NIPA1: variants seen among roughly 807,000 people sequenced by gnomAD.
NIPA1 encodes the protein NIPA magnesium transporter 1, also known as magnesium transporter NIPA1.
Under a neutral mutation model 23.9 loss-of-function variants are expected in NIPA1, and 13 were observed. The observed-to-expected ratio is 0.54, with a 90% CI of 0.35 to 0.87. The LOEUF (loss-of-function observed/expected upper bound fraction) is 0.87, where lower values mean the gene tolerates loss of function less well. NIPA1 is among the 40% of genes least tolerant of loss of function. The probability of loss-of-function intolerance (pLI) is 0.01; values close to 1 mark genes in which losing one functional copy is unlikely to be tolerated. For synonymous variants in NIPA1, 234 were observed against 202.9 expected (o/e 1.15, Z -1.30); for missense variants, 362 against 429.7 (o/e 0.84, Z 1.39).
intron 3 of NIPA1, among the ~76,000 whole-genome samples, chr15:22,816,486 CT>C (rs71117480): frequency 3.3e-3 from 140 of 42,286 alleles, no homozygotes; most frequent in African/African-American, 0.014. Flanking sequence ...CGCACCCAGC[CT>C]TTTTTTTTTT....
rs748192689 is a variant in NIPA1, at chr15:22,812,228, CT to C, written c.293del (p.Leu98ArgfsTer12). The C allele has an allele frequency of 1.9e-6, 3 of 1,613,590 alleles. No individual in the cohort carries two copies. The highest frequency in any genetic ancestry group is 2.7e-5 in the African/African-American group (2 of 74,922). On this transcript the variant is annotated frameshift_variant, in exon 3 of 5. Transcript: ENST00000337435. LOFTEE classifies it high-confidence loss of function. Reference protein sequence around the residue: ...TAVPTVLVTPLGALGVPFGSI... With the variant: ...TAVPTVLVTPXGALGVPFGSI... ...GGTCCCCACGGTCCTGGTAACCCCC[CT>C]GGGCGCCCTTGGAGTACCGTTCGGG...
At chr15:22,802,189 C>G (rs111281240) in intron 1 of NIPA1, among the ~76,000 whole-genome samples, 1 of 151,606 alleles carries the variant, frequency 6.6e-6, no homozygotes, top group African/African-American at 2.4e-5. Flanking sequence ...GTCAGGAGTT[C>G]GAGACCAGCC....
At chr15:22,813,941 C>G in intron 3 of NIPA1, 2 of 418,662 alleles carry the variant, frequency 4.8e-6, no homozygotes, top group South Asian at 3.4e-5. Flanking sequence ...GATAAACAAC[C>G]TGACCTGGTG....
intron 1 of NIPA1, among the ~76,000 whole-genome samples, chr15:22,789,998 T>G (rs1322933226): frequency 8.5e-5 from 13 of 152,276 alleles, no homozygotes; most frequent in African/African-American, 2.4e-5. Context: ...TTCACCATGT[T>G]GGCCAGGCTG....
At chr15:22,820,599 C>CTGT in intron 4 of NIPA1, 126 bp downstream of exon 4, 1 of 795,164 alleles carries the variant, frequency 1.3e-6, no homozygotes, top group South Asian at 1.4e-5. Context: ...TGATCTGTTA[C>CTGT]TGTAGATCTG....
chr15:22,793,833 C>T (rs989748300), intron 1 of NIPA1, among the ~76,000 whole-genome samples: 1 of 152,064 alleles, frequency 6.6e-6, no homozygotes, highest in African/African-American at 2.4e-5. Context: ...TATATCCTTT[C>T]CCCAGTGTAT....
chr15:22,787,879 T>C (rs1219517189), intron 1 of NIPA1, among the ~76,000 whole-genome samples: 1 of 152,134 alleles, frequency 6.6e-6, no homozygotes, highest in Non-Finnish European at 1.5e-5. Flanking sequence ...GGCCCGACAG[T>C]CTCGAATGAA....
At chr15:22,813,762 T>C (rs1895363022) in intron 3 of NIPA1, 1 of 447,592 alleles carries the variant, frequency 2.2e-6, no homozygotes, top group Non-Finnish European at 4.5e-6. Context: ...GCCTTGAGAA[T>C]GTGTGTGTGG....
At chr15:22,811,388 G>C (rs1449672440) in intron 2 of NIPA1, among the ~76,000 whole-genome samples, 1 of 152,124 alleles carries the variant, frequency 6.6e-6, no homozygotes, top group Non-Finnish European at 1.5e-5. Context: ...CAGGTGGATT[G>C]TTTGAGCCCA....
At position 22,788,498 on chromosome 15, in the gene NIPA1, C is replaced by CAAAAAAAAAAAAAA. The variant is rs905296655; in HGVS notation, c.178+1668_178+1681dup. Among the ~76,000 whole-genome samples the CAAAAAAAAAAAAAA allele has an allele frequency of 2.9e-4, 26 of 89,586 alleles. 5 individuals are homozygous for CAAAAAAAAAAAAAA. The highest frequency in any genetic ancestry group is 7.4e-4 in the South Asian group (2 of 2,704). The allele number at this position is 89,586 out of a possible 152,430, so 58.8% of individuals were successfully genotyped here. ...TGGGCGGCAGAGCAAGACTCCATCT[C>CAAAAAAAAAAAAAA]AAAAAAAAAAAAAAAAATCTTGCAG... On this transcript the variant is annotated intron_variant, in intron 1 of 4. Transcript: ENST00000337435.
intron 1 of NIPA1, among the ~76,000 whole-genome samples, chr15:22,802,391 C>CAA (rs10689474): frequency 0.4 from 45,745 of 114,318 alleles, 8,757 homozygotes; most frequent in Admixed American, 0.45. Flanking sequence ...GACTCTGTCT[C>CAA]AAAAAAAAAA....
intron 3 of NIPA1, among the ~76,000 whole-genome samples, chr15:22,815,545 G>C (rs1258193043): frequency 6.6e-6 from 1 of 152,128 alleles, no homozygotes; most frequent in Admixed American, 6.6e-5. Flanking sequence ...GGGTGGCTGA[G>C]GGGCAGAGAT....
chr15:22,790,768 GT>G (rs1894809609), intron 1 of NIPA1, among the ~76,000 whole-genome samples: 1 of 152,044 alleles, frequency 6.6e-6, no homozygotes, highest in Non-Finnish European at 1.5e-5. Flanking sequence ...GAATACAGCA[GT>G]TTTAAAATCT....
chr15:22,823,187 A>AGGTGTG (rs1895577361), intron 4 of NIPA1, among the ~76,000 whole-genome samples: 1 of 149,250 alleles, frequency 6.7e-6, no homozygotes, highest in Non-Finnish European at 1.5e-5. Context: ...CTGGGATTAC[A>AGGTGTG]GGTGTGAGCC....
Position 22,825,932 on chromosome 15 carries a change from T to C in NIPA1, c.*1693T>C, listed in dbSNP as rs1895641068. 2 of 152,574 alleles carry C rather than the reference T, an allele frequency of 1.3e-5. No individual in the cohort carries two copies. The highest frequency in any genetic ancestry group is 6.5e-5 in the Admixed American group (1 of 15,286). 9.5% of individuals were successfully genotyped at this position (152,574 alleles called of 1,614,324 possible). ...GGAGCATAGCATGAAGTGATGCACA[T>C]ATTTCACCACGGTATCATGTACTTC... On this transcript the variant is annotated 3_prime_UTR_variant, in exon 5 of 5. Coordinates refer to ENST00000337435, the MANE Select transcript of NIPA1 (RefSeq NM_144599.5).
At chr15:22,814,855 C>T (rs573016607) in intron 3 of NIPA1, among the ~76,000 whole-genome samples, 1 of 152,338 alleles carries the variant, frequency 6.6e-6, no homozygotes, top group East Asian at 1.9e-4. Context: ...CCTCATCATA[C>T]ACTTTCTCTG....
Position 22,824,024 on chromosome 15 carries a change from G to T in NIPA1, c.775G>T (p.Val259Leu), listed in dbSNP as rs1158249019. Residue 259 changes from valine to leucine, a missense_variant, in exon 5 of 5, where the codon GTG becomes TTG. Coordinates refer to ENST00000337435, the MANE Select transcript of NIPA1 (RefSeq NM_144599.5). The surrounding 1 kb of genome is among the most constrained non-coding windows in gnomAD (Gnocchi z 4.1). Reference sequence around the variant, plus strand: ...GGCGCTGGAGTGCTTCGACTCCTCGGTGTTCGGGGCCATCTACTACGTCGT... The same window carrying T: ...GGCGCTGGAGTGCTTCGACTCCTCGTTGTTCGGGGCCATCTACTACGTCGT... ...NKALECFDSS[V>L]FGAIYYVVFT... The T allele has an allele frequency of 2.5e-6, 4 of 1,614,154 alleles. No individual in the cohort carries two copies. The South Asian group carries it at 4.4e-5, about 18-fold the overall frequency.
chr15:22,797,390 A>G (rs893709903), intron 1 of NIPA1, among the ~76,000 whole-genome samples: 1 of 150,848 alleles, frequency 6.6e-6, no homozygotes, highest in South Asian at 2.1e-4. Context: ...TTTTTTGTAC[A>G]TTGAGTAGAG....
chr15:22,797,315 T>G (rs902151445), intron 1 of NIPA1, among the ~76,000 whole-genome samples: 1 of 152,026 alleles, frequency 6.6e-6, no homozygotes, highest in African/African-American at 2.4e-5. Flanking sequence ...GTTCACACCA[T>G]TCTCCTGCCT....
Sources: gnomAD v4.1 joint callset for allele counts (sites outside exome capture counted in the v4.1 genomes callset) on GRCh38, gnomAD v4.1.1 for gene constraint, Gnocchi (gnomAD v3.1) non-coding constraint, MANE v1.5 for transcripts, NCBI Gene and HGNC (gene_info 2026-07-23, HGNC 2026-07-21) for gene names.